Variants in CNTN4 observed in about 807,000 individuals in gnomAD.
The protein encoded by CNTN4 is contactin-4.
Under a neutral mutation model 122.5 loss-of-function variants are expected in CNTN4, and 77 were observed. That is an observed-to-expected ratio of 0.63 (90% confidence interval 0.52 to 0.76). The LOEUF (loss-of-function observed/expected upper bound fraction) is 0.76, where lower values mean the gene tolerates loss of function less well. CNTN4 is among the 30% of genes least tolerant of loss of function. The pLI is 0.00. For missense variants in CNTN4, 1,256 were observed against 1,259.1 expected (o/e 1.00, Z 0.04); for synonymous variants, 512 against 447.0 (o/e 1.15, Z -1.83).
intron 2 of CNTN4, among the ~76,000 whole-genome samples, chr3:2,336,223 T>TG (rs66535569): frequency 2.6e-4 from 39 of 151,440 alleles, no homozygotes; most frequent in African/African-American, 8.3e-4. Context: ...GTTGTTTATT[T>TG]GGGGGGGGGA....
At chr3:2,541,385 T>C (rs965576780) in intron 3 of CNTN4, among the ~76,000 whole-genome samples, 12 of 152,112 alleles carry the variant, frequency 7.9e-5, no homozygotes, top group Non-Finnish European at 1.8e-4. Context: ...ATCCTCTCAG[T>C]GTACTATTAT....
chr3:2,989,338 C>T lies in CNTN4; in HGVS notation c.1486+866C>T, dbSNP rs546439558. 3.9e-5 allele frequency among the ~76,000 whole-genome samples: 6 copies of T among 152,120 alleles called. No individual in the cohort carries two copies. In the South Asian group the frequency reaches 1.2e-3, roughly 32 times the overall value. ...ATCCTGATTCTGAGTTCTTCTTGGT[C>T]CTTTATGCTGCACCAGGAAACAGGA... On this transcript the variant is annotated intron_variant, in intron 14 of 24. Transcript: ENST00000418658.
chr3:2,892,854 A>G (rs2151062675), intron 10 of CNTN4, among the ~76,000 whole-genome samples: 1 of 152,330 alleles, frequency 6.6e-6, no homozygotes, highest in South Asian at 2.1e-4. Flanking sequence ...GATTTTTATA[A>G]TTAAGGAAAA....
chr3:2,581,107 T>G (rs547932342), intron 4 of CNTN4, among the ~76,000 whole-genome samples: 19 of 152,154 alleles, frequency 1.2e-4, no homozygotes, highest in Non-Finnish European at 2.6e-4. Context: ...GAAATGGGGA[T>G]TTTGGGGCTC....
chr3:2,297,897 A>G (rs1442858602), intron 2 of CNTN4, among the ~76,000 whole-genome samples: 1 of 152,018 alleles, frequency 6.6e-6, no homozygotes, highest in Non-Finnish European at 1.5e-5. Context: ...CACCTGGCTA[A>G]TTCTTATAGG....
intron 2 of CNTN4, among the ~76,000 whole-genome samples, chr3:2,140,300 G>C (rs1445477127): frequency 3.3e-5 from 5 of 152,194 alleles, no homozygotes; most frequent in African/African-American, 1.2e-4. Flanking sequence ...TGAGAAAACA[G>C]AGCTTTCATT....
intron 3 of CNTN4, among the ~76,000 whole-genome samples, chr3:2,349,014 A>G (rs755240445): frequency 4.9e-4 from 74 of 152,286 alleles, no homozygotes; most frequent in Non-Finnish European, 8.5e-4. Context: ...GAAAGATACA[A>G]CTTTGTCCTC....
intron 4 of CNTN4, among the ~76,000 whole-genome samples, chr3:2,695,212 A>G (rs1158834590): frequency 6.6e-6 from 1 of 152,140 alleles, no homozygotes; most frequent in Non-Finnish European, 1.5e-5. Flanking sequence ...TGTATGAGAA[A>G]CGTATTACTG....
chr3:2,877,823 G>C (rs762060696), intron 8 of CNTN4, among the ~76,000 whole-genome samples: 3 of 152,052 alleles, frequency 2.0e-5, no homozygotes, highest in Non-Finnish European at 4.4e-5. Flanking sequence ...TTATTTTAAG[G>C]GGCCTTTCAT....
chr3:2,815,826 A>G (rs1299994097), intron 6 of CNTN4, among the ~76,000 whole-genome samples: 3 of 151,472 alleles, frequency 2.0e-5, no homozygotes, highest in Non-Finnish European at 4.4e-5. Flanking sequence ...AAATCGTGGA[A>G]CCAACACAAG....
At chr3:2,722,135 C>T (rs574778139) in intron 4 of CNTN4, among the ~76,000 whole-genome samples, 11 of 152,294 alleles carry the variant, frequency 7.2e-5, no homozygotes, top group South Asian at 4.1e-4. Context: ...CAGACTAAGA[C>T]GCTATTTAAA....
chr3:2,914,324 A>C (rs1244152136), intron 12 of CNTN4, among the ~76,000 whole-genome samples: 2 of 152,146 alleles, frequency 1.3e-5, no homozygotes, highest in African/African-American at 4.8e-5. Flanking sequence ...TAAAGGAAAT[A>C]TAGAATAGAA....
rs2047820244 is a variant in CNTN4 at position 2,426,092 on chromosome 3, T to G, written c.-89+86859T>G. 3.3e-5 allele frequency among the ~76,000 whole-genome samples: 5 copies of G among 152,316 alleles called. No homozygotes were observed. The South Asian group carries it at 1.0e-3, about 32-fold the overall frequency. On this transcript the variant is annotated intron_variant, in intron 3 of 24. Coordinates refer to ENST00000418658, the MANE Select transcript of CNTN4 (RefSeq NM_175607.3). ...CCTGCCTGATTGCCCTGGCCAGAAC[T>G]TCCAACACTATGTTGAATAGGAGTG...
chr3:2,849,286 G>C (rs1179958964), intron 7 of CNTN4, among the ~76,000 whole-genome samples: 1 of 152,206 alleles, frequency 6.6e-6, no homozygotes, highest in Non-Finnish European at 1.5e-5. Context: ...AGGCAGAAGG[G>C]ATACAGAGTT....
Position 2,627,714 on chromosome 3 carries a change from C to T in CNTN4, c.55+56156C>T, listed in dbSNP as rs572776581. 7.2e-5 allele frequency among the ~76,000 whole-genome samples: 11 copies of T among 152,042 alleles called. No individual in the cohort carries two copies. In the South Asian group the frequency reaches 8.3e-4, roughly 12 times the overall value. On this transcript the variant is annotated intron_variant, in intron 4 of 24. Coordinates refer to ENST00000418658, the MANE Select transcript of CNTN4 (RefSeq NM_175607.3). ...TTCACCGTGTTAGCCAGGATGGTCT[C>T]GATCTCCTGACCTTGTGATCTGCCC...
intron 2 of CNTN4, among the ~76,000 whole-genome samples, chr3:2,328,201 C>G (rs529832475): frequency 5.3e-5 from 8 of 152,136 alleles, no homozygotes; most frequent in East Asian, 3.9e-4. Flanking sequence ...GTCAGGAGAT[C>G]GAGACCATCC....
At chr3:2,634,059 G>A (rs889265391) in intron 4 of CNTN4, among the ~76,000 whole-genome samples, 1 of 152,138 alleles carries the variant, frequency 6.6e-6, no homozygotes. Flanking sequence ...TGAGTTCTTT[G>A]GAGGATTTCA....
chr3:2,586,761 C>A (rs1296791194), intron 4 of CNTN4, among the ~76,000 whole-genome samples: 4 of 151,362 alleles, frequency 2.6e-5, no homozygotes, highest in Non-Finnish European at 5.9e-5. Flanking sequence ...TTTCCCATTG[C>A]TTTATTTCTG....
chr3:2,778,084 G>T (rs1279711547), intron 6 of CNTN4, among the ~76,000 whole-genome samples: 1 of 144,286 alleles, frequency 6.9e-6, no homozygotes, highest in Non-Finnish European at 1.5e-5. Flanking sequence ...CGTGGTGGCG[G>T]GCGCCTGTAG....
Sources: gnomAD v4.1 joint callset for allele counts (sites outside exome capture counted in the v4.1 genomes callset) on GRCh38, gnomAD v4.1.1 for gene constraint, MANE v1.5 for transcripts, NCBI Gene and HGNC (gene_info 2026-07-23, HGNC 2026-07-21) for gene names.